SNX29: variants seen among roughly 807,000 people sequenced by gnomAD.
SNX29 encodes the protein sorting nexin-29.
SNX29 carries 78 observed loss-of-function variants against 102.1 expected under a neutral mutation model. That is an observed-to-expected ratio of 0.76 (90% confidence interval 0.64 to 0.92). The LOEUF is 0.92. SNX29 is among the 40% of genes least tolerant of loss of function. SNX29 has a pLI of 0.00. For synonymous variants in SNX29, 580 were observed against 414.5 expected, an observed-to-expected ratio of 1.40 and a Z score of -4.85; for missense variants, 1,280 against 1,061.7, an observed-to-expected ratio of 1.21 and a Z score of -2.86.
chr16:12,535,236 T>C (rs2077041891), intron 20 of SNX29, among the ~76,000 whole-genome samples: 1 of 152,200 alleles, frequency 6.6e-6, no homozygotes, highest in Non-Finnish European at 1.5e-5. Flanking sequence ...CCTCCTGGGC[T>C]CAAGCGACTT....
intron 16 of SNX29, among the ~76,000 whole-genome samples, chr16:12,378,480 T>C (rs1418472814): frequency 6.6e-6 from 1 of 152,050 alleles, no homozygotes. Flanking sequence ...TGAACCTTGT[T>C]TCTACTAAAA....
At chr16:12,351,011 T>G (rs1035053148) in intron 15 of SNX29, among the ~76,000 whole-genome samples, 3 of 152,040 alleles carry the variant, frequency 2.0e-5, no homozygotes, top group Non-Finnish European at 4.4e-5. Flanking sequence ...CAAGAGGGAG[T>G]GCAAAGAGCA....
chr16:12,445,281 C>T (rs2085998591), intron 18 of SNX29, among the ~76,000 whole-genome samples: 1 of 152,142 alleles, frequency 6.6e-6, no homozygotes, highest in Non-Finnish European at 1.5e-5. Flanking sequence ...CCGTATTATC[C>T]ACAAAGCCTA....
intron 20 of SNX29, among the ~76,000 whole-genome samples, chr16:12,548,784 TGCTGGGTCATA>T (rs2077773743): frequency 6.6e-6 from 1 of 152,208 alleles, no homozygotes; most frequent in Non-Finnish European, 1.5e-5. Flanking sequence ...GCCACCACAG[TGCTGGGTCATA>T]GCTGGGCTGT....
At chr16:12,463,648 A>G (rs1215726612) in intron 18 of SNX29, among the ~76,000 whole-genome samples, 1 of 152,248 alleles carries the variant, frequency 6.6e-6, no homozygotes, top group Non-Finnish European at 1.5e-5. Flanking sequence ...GTGGGGATAC[A>G]GAACCAAACC....
At chr16:12,221,347 G>A (rs1222978380) in intron 14 of SNX29, among the ~76,000 whole-genome samples, 1 of 152,178 alleles carries the variant, frequency 6.6e-6, no homozygotes, top group Non-Finnish European at 1.5e-5. Flanking sequence ...AGGTGTGGTG[G>A]CTCAGCCCCG....
intron 5 of SNX29, 31 bp downstream of exon 5, chr16:12,043,108 A>G (rs2049952671): frequency 3.1e-6 from 5 of 1,609,660 alleles, no homozygotes; most frequent in Non-Finnish European, 4.2e-6. Context: ...CTGGGATGGG[A>G]TGGAGCAAGA....
intron 13 of SNX29, among the ~76,000 whole-genome samples, chr16:12,190,697 G>T (rs934286289): frequency 1.3e-5 from 2 of 152,198 alleles, no homozygotes; most frequent in Non-Finnish European, 2.9e-5. Context: ...AAATCCCAGA[G>T]TGGAGGTCTG....
chr16:12,558,912 G>A lies in SNX29; in HGVS notation c.2319-9594G>A, dbSNP rs926405037. On this transcript the variant is annotated intron_variant, in intron 20 of 20. Coordinates refer to ENST00000566228, the MANE Select transcript of SNX29 (RefSeq NM_032167.5). ...GTTTGCTTCAGGGCCTGAAAGCATT[G>A]TCTTGTTTAATCTCATAGGTGGGTT... Among the ~76,000 whole-genome samples, 3 of 152,212 alleles carry A rather than the reference G, an allele frequency of 2.0e-5. No individual in the cohort carries two copies. In the East Asian group the frequency reaches 5.8e-4, roughly 29 times the overall value.
intron 13 of SNX29, among the ~76,000 whole-genome samples, chr16:12,132,806 T>C (rs1413429441): frequency 6.6e-6 from 1 of 152,240 alleles, no homozygotes; most frequent in Non-Finnish European, 1.5e-5. Context: ...CAGATATCTG[T>C]AAAACAGACC....
Position 12,554,533 on chromosome 16 carries a change from C to A in SNX29, c.2319-13973C>A, listed in dbSNP as rs147009890. On this transcript the variant is annotated intron_variant, in intron 20 of 20. Transcript: ENST00000566228. ...CAGGATGCTGCATTGAACATTCTCGCCCACGTTTTTGTGAACTTGTTCAAC... is the reference window on the plus strand; with the variant it reads ...CAGGATGCTGCATTGAACATTCTCGACCACGTTTTTGTGAACTTGTTCAAC... Among the ~76,000 whole-genome samples, 29 of 152,336 alleles carry A rather than the reference C, an allele frequency of 1.9e-4. No individual in the cohort carries two copies. In the East Asian group the frequency reaches 5.6e-3, roughly 29 times the overall value.
chr16:12,463,148 G>T (rs561072145), intron 18 of SNX29, among the ~76,000 whole-genome samples: 205 of 152,306 alleles, frequency 1.3e-3, no homozygotes, highest in Admixed American at 2.3e-3. Flanking sequence ...GCCCGTCAGC[G>T]GTCGTTGTCG....
Position 12,513,201 on chromosome 16 carries a change from G to C in SNX29, c.2179-11501G>C, listed in dbSNP as rs552175643. On this transcript the variant is annotated intron_variant, in intron 19 of 20. Transcript: ENST00000566228. ...CCCATACCTTTCCTCCCTCTCCCTT[G>C]CCCTGCCCTACTGTGCCTGCCTTTC... 2.8e-5 allele frequency among the ~76,000 whole-genome samples: 4 copies of C among 141,996 alleles called. No homozygotes were observed. The South Asian group carries it at 9.0e-4, about 32-fold the overall frequency. 93.2% of individuals were successfully genotyped at this position (141,996 alleles called of 152,430 possible).
intron 18 of SNX29, among the ~76,000 whole-genome samples, chr16:12,438,337 C>T (rs1002180703): frequency 2.0e-5 from 3 of 152,164 alleles, no homozygotes; most frequent in Non-Finnish European, 4.4e-5. Flanking sequence ...CAGCTGGGTT[C>T]AGCGCTCTCC....
chr16:12,086,009 CTTTTTTTTT>C (rs34239419), intron 11 of SNX29, among the ~76,000 whole-genome samples: 3 of 117,362 alleles, frequency 2.6e-5, no homozygotes, highest in Non-Finnish European at 5.2e-5. Context: ...CTTGCCAATT[CTTTTTTTTT>C]TTTTTTTTTT....
intron 19 of SNX29, among the ~76,000 whole-genome samples, chr16:12,497,321 G>C (rs751428375): frequency 6.6e-6 from 1 of 152,168 alleles, no homozygotes; most frequent in East Asian, 1.9e-4. Context: ...ACCAAGTCTC[G>C]TGGCCTTGGA....
intron 20 of SNX29, among the ~76,000 whole-genome samples, chr16:12,537,600 T>TCA (rs901235422): frequency 2.3e-4 from 35 of 152,338 alleles, no homozygotes; most frequent in African/African-American, 8.2e-4. Context: ...GTTCAAACTC[T>TCA]CACTTCAGTC....
At chr16:12,547,380 C>T (rs1043127480) in intron 20 of SNX29, among the ~76,000 whole-genome samples, 1 of 152,130 alleles carries the variant, frequency 6.6e-6, no homozygotes, top group East Asian at 1.9e-4. Flanking sequence ...AAGGGTAGAG[C>T]TTTGTTATGG....
rs568532981 is a variant in SNX29, at chr16:12,540,974, C to T, written c.2318+16133C>T. On this transcript the variant is annotated intron_variant, in intron 20 of 20. Coordinates refer to ENST00000566228, the MANE Select transcript of SNX29 (RefSeq NM_032167.5). Reference sequence around the variant, plus strand: ...TGCCTGTAGTTCAGGCTGGAGGATGCTACAGGGGAAAAATGGTGAGCTCAC... The same window carrying T: ...TGCCTGTAGTTCAGGCTGGAGGATGTTACAGGGGAAAAATGGTGAGCTCAC... 2.5e-3 allele frequency among the ~76,000 whole-genome samples: 380 copies of T among 152,310 alleles called. 2 individuals carry two copies. The highest frequency in any genetic ancestry group is 9.0e-3 in the African/African-American group (373 of 41,568).
Sources: gnomAD v4.1 joint callset for allele counts (sites outside exome capture counted in the v4.1 genomes callset) on GRCh38, gnomAD v4.1.1 for gene constraint, MANE v1.5 for transcripts, NCBI Gene and HGNC (gene_info 2026-07-23, HGNC 2026-07-21) for gene names.